Variants in SNX19 observed in about 807,000 individuals in gnomAD.
The protein encoded by SNX19 is sorting nexin-19.
A neutral mutation model predicts 85.2 loss-of-function variants in SNX19; 60 were observed. The ratio of observed to expected loss-of-function variants is 0.70; its 90% CI spans 0.57 to 0.87. SNX19 has a LOEUF of 0.87. SNX19 is among the 40% of genes least tolerant of loss of function. The pLI is 0.00. For synonymous variants in SNX19, 520 were observed against 470.0 expected, an observed-to-expected ratio of 1.11 and a Z score of -1.38; for missense variants, 1,201 against 1,217.8, an observed-to-expected ratio of 0.99 and a Z score of 0.21.
Position 130,877,924 on chromosome 11 carries a change from G to C in SNX19, c.*498C>G, listed in dbSNP as rs1247169755. 1 of 152,228 alleles carries C rather than the reference G, an allele frequency of 6.6e-6. No homozygotes were observed. The highest frequency in any genetic ancestry group is 1.5e-5 in the Non-Finnish European group (1 of 68,056). The allele number at this position is 152,228 out of a possible 1,614,324, so 9.4% of individuals were successfully genotyped here. A position where few individuals can be genotyped will look rare whatever the true frequency, so the allele number is the denominator to read the frequency against. On this transcript the variant is annotated 3_prime_UTR_variant, in exon 11 of 11. Transcript: ENST00000265909. The stretch of plus-strand genomic sequence containing the variant: ...GAAACTAGATTAGACCCAGGAGTCT[G>C]GTTTTTGAGAATGGCCCTGAATGAA...
Position 130,867,011 on chromosome 11 carries a change from G to A in SNX19, c.*11411C>T, listed in dbSNP as rs1942792767. ...TGGACAAGGAAACTAAGCCACAGAGGTGTGAAATCCCTTTCCTAAGGCCAG... is the reference window on the plus strand; with the variant it reads ...TGGACAAGGAAACTAAGCCACAGAGATGTGAAATCCCTTTCCTAAGGCCAG... On this transcript the variant is annotated 3_prime_UTR_variant, in exon 11 of 11. Transcript: ENST00000265909. 6.6e-6 allele frequency: 1 copy of A among 152,222 alleles called. No individual in the cohort carries two copies. Among genetic ancestry groups the A allele is most frequent in the Admixed American group, 6.5e-5 (1 of 15,274 alleles). The allele number at this position is 152,222 out of a possible 1,614,324, so 9.4% of individuals were successfully genotyped here.
chr11:130,880,761 C>T lies in SNX19; in HGVS notation c.2619G>A (p.Trp873Ter), dbSNP rs753435643. ...QVANLTSPQRWVQYLLLLQES... is the reference protein window; with the variant it reads ...QVANLTSPQR The stretch of plus-strand genomic sequence containing the variant: ...CCTGAAGAAGCAGGAGGTACTGCAC[C>T]CAGCGCTGTGGACTTGTTAAATTAG... Residue 873 changes from tryptophan to a stop codon, truncating the protein, a stop_gained, in exon 9 of 11, where the codon TGG (tryptophan) becomes TGA (stop). Coordinates refer to ENST00000265909, the MANE Select transcript of SNX19 (RefSeq NM_014758.3). LOFTEE classifies it high-confidence loss of function. 3.1e-6 allele frequency: 5 copies of T among 1,599,536 alleles called. No individual in the cohort carries two copies. The Admixed American group carries it at 8.4e-5, about 27-fold the overall frequency.
chr11:130,888,990 C>G (rs1211337071), intron 8 of SNX19, among the ~76,000 whole-genome samples: 1 of 152,178 alleles, frequency 6.6e-6, no homozygotes, highest in Non-Finnish European at 1.5e-5. Flanking sequence ...TCATTCACTG[C>G]TGAATGAATG....
intron 8 of SNX19, among the ~76,000 whole-genome samples, chr11:130,902,779 CAGTA>C (rs1441102752): frequency 1.2e-4 from 19 of 152,248 alleles, no homozygotes; most frequent in African/African-American, 4.6e-4. Flanking sequence ...CATCCTGTGT[CAGTA>C]AGTATTTCAG....
In SNX19 at chr11:130,879,731, T is replaced by C. The variant is rs1053067660; in HGVS notation, c.2759-20A>G. On this transcript the variant is annotated intron_variant, in intron 9 of 10. Transcript: ENST00000265909. ...CGAGATCTGAGGAGGAAAAAACAGA[T>C]GGAATTTGCGTGTTATCACTGAAGT... 11 of 1,609,504 alleles carry C rather than the reference T, an allele frequency of 6.8e-6. No homozygotes were observed. Among genetic ancestry groups the C allele is most frequent in the Non-Finnish European group, 2.6e-6 (3 of 1,176,002 alleles).
chr11:130,889,095 G>A (rs528980375), intron 8 of SNX19, among the ~76,000 whole-genome samples: 1 of 152,086 alleles, frequency 6.6e-6, no homozygotes, highest in African/African-American at 2.4e-5. Flanking sequence ...CATGTGACAC[G>A]TGTATGTGTT....
At chr11:130,885,665 C>T (rs150221433) in intron 8 of SNX19, among the ~76,000 whole-genome samples, 11 of 152,246 alleles carry the variant, frequency 7.2e-5, no homozygotes, top group Non-Finnish European at 5.9e-5. Flanking sequence ...AACAAAAATG[C>T]CTGGTGCAGT....
intron 8 of SNX19, among the ~76,000 whole-genome samples, chr11:130,894,124 C>T (rs970508905): frequency 1.3e-5 from 2 of 152,148 alleles, no homozygotes; most frequent in Non-Finnish European, 2.9e-5. Flanking sequence ...CAATCTCCAT[C>T]TTAGTGAATA....
rs1038129724 is a variant in SNX19, at chr11:130,911,756, C to T, written c.1690G>A (p.Asp564Asn). 2 of 1,614,054 alleles carry T rather than the reference C, an allele frequency of 1.2e-6. No homozygotes were observed. The highest frequency in any genetic ancestry group is 8.5e-7 in the Non-Finnish European group (1 of 1,180,036). ...TGCAGGCCGCTGCTGTTTTCACCGT[C>T]AAGGGCTGTCTCGTACTGTTCAACG... ...LYTVKYETALDGENSSGLQQL... is the reference protein window; with the variant it reads ...LYTVKYETALNGENSSGLQQL... The change falls in exon 2 of 11, where the codon GAC becomes AAC. Residue 564 changes from aspartate (D) to asparagine (N), a missense_variant. Asp to Asn is a conservative substitution (Grantham distance 23). Transcript: ENST00000265909.
At chr11:130,903,696 C>CATAT (rs146822848) in intron 7 of SNX19, among the ~76,000 whole-genome samples, 1 of 134,580 alleles carries the variant, frequency 7.4e-6, no homozygotes, top group African/African-American at 2.8e-5. Context: ...TGTATATATA[C>CATAT]ATATATATAT....
In SNX19 at chr11:130,874,025, T is replaced by C. The variant is rs1339631688; in HGVS notation, c.*4397A>G. On this transcript the variant is annotated 3_prime_UTR_variant, in exon 11 of 11. Transcript: ENST00000265909. The stretch of plus-strand genomic sequence containing the variant: ...AGCCAATGAGTCATAAGAGGTTTTT[T>C]GTTTTTTTTTTTTTTATTTGGGGTC... Among the ~76,000 whole-genome samples the C allele has an allele frequency of 8.4e-6, 1 of 118,498 alleles. No individual in the cohort carries two copies. The highest frequency in any genetic ancestry group is 1.9e-5 in the Non-Finnish European group (1 of 52,898). 77.7% of individuals were successfully genotyped at this position (118,498 alleles called of 152,430 possible).
chr11:130,887,230 AAATT>A (rs1445929020), intron 8 of SNX19, among the ~76,000 whole-genome samples: 5 of 152,234 alleles, frequency 3.3e-5, no homozygotes, highest in Non-Finnish European at 7.3e-5. Flanking sequence ...CACAGATATA[AAATT>A]AATATGTATT....
At position 130,876,207 on chromosome 11, in the gene SNX19, T is replaced by A. The variant is rs1035582561; in HGVS notation, c.*2215A>T. The A allele has an allele frequency of 6.6e-6, 1 of 150,404 alleles. No individual in the cohort carries two copies. The highest frequency in any genetic ancestry group is 2.2e-4 in the South Asian group (1 of 4,618). 9.3% of individuals were successfully genotyped at this position (150,404 alleles called of 1,614,324 possible). ...ACAGGCCCAATTCTTCCCTGCCTTT[T>A]ATCACCCTGTCAGCTGGGAGTATCT... On this transcript the variant is annotated 3_prime_UTR_variant, in exon 11 of 11. Coordinates refer to ENST00000265909, the MANE Select transcript of SNX19 (RefSeq NM_014758.3).
At position 130,915,228 on chromosome 11, in the gene SNX19, C is replaced by T; in HGVS notation, c.712G>A (p.Val238Met). The T allele has an allele frequency of 1.2e-6, 2 of 1,614,258 alleles. No individual in the cohort carries two copies. Among genetic ancestry groups the T allele is most frequent in the Non-Finnish European group, 1.7e-6 (2 of 1,180,044 alleles). ...HLETRTGRHV[V>M]VELITCNVIL... The stretch of plus-strand genomic sequence containing the variant: ...ACATTGCATGTGATGAGTTCGACCA[C>T]TACATGGCGTCCGGTACGAGTCTCC... The change falls in exon 1 of 11, where the codon GTG becomes ATG. Residue 238 changes from valine (V) to methionine (M), a missense_variant. This residue lies in a region of SNX19 where 791 missense variants were observed against 750.9 expected (regional missense o/e 1.05). Transcript: ENST00000265909.
At chr11:130,909,511 C>T (rs1432192313) in intron 4 of SNX19, among the ~76,000 whole-genome samples, 1 of 152,196 alleles carries the variant, frequency 6.6e-6, no homozygotes, top group Non-Finnish European at 1.5e-5. Context: ...AAATGTCCTT[C>T]TTCCACCATC....
rs4937582 is a variant in SNX19, at chr11:130,871,132, C to G, written c.*7290G>C. Among the ~76,000 whole-genome samples the G allele has an allele frequency of 0.78, 119,289 of 152,056 alleles. 47,226 individuals carry two copies. The highest frequency in any genetic ancestry group is 0.88 in the African/African-American group (36,333 of 41,478). On this transcript the variant is annotated 3_prime_UTR_variant, in exon 11 of 11. Coordinates refer to ENST00000265909, the MANE Select transcript of SNX19 (RefSeq NM_014758.3). Reference sequence around the variant, plus strand: ...AAAAATGAAAGCAGGAAGGAACATGCTGGTTTGGGCAGAATAAAAAATCCC... The same window carrying G: ...AAAAATGAAAGCAGGAAGGAACATGGTGGTTTGGGCAGAATAAAAAATCCC...
chr11:130,893,518 G>A (rs1389468647), intron 8 of SNX19, among the ~76,000 whole-genome samples: 1 of 152,042 alleles, frequency 6.6e-6, no homozygotes, highest in Non-Finnish European at 1.5e-5. Context: ...GTGTAGAAGA[G>A]CTACCCAAAA....
At chr11:130,891,331 A>G (rs1944479966) in intron 8 of SNX19, among the ~76,000 whole-genome samples, 1 of 151,076 alleles carries the variant, frequency 6.6e-6, no homozygotes, top group Non-Finnish European at 1.5e-5. Flanking sequence ...AGAATAATCC[A>G]TGAAATGGGC....
chr11:130,892,654 G>A (rs910101112), intron 8 of SNX19: 6 of 152,182 alleles, frequency 3.9e-5, no homozygotes, highest in African/African-American at 1.2e-4. Flanking sequence ...TTGGTACTGA[G>A]CAGTTAAGAA....
Sources: allele counts gnomAD v4.1 joint callset (sites outside exome capture counted in the v4.1 genomes callset), GRCh38; gene constraint gnomAD v4.1.1; regional missense constraint gnomAD v4.1.1; transcripts MANE v1.5; gene names NCBI Gene and HGNC (gene_info 2026-07-23, HGNC 2026-07-21).